CHD1L: variants seen among roughly 807,000 people sequenced by gnomAD.
CHD1L encodes the protein chromodomain helicase DNA binding protein 1 like.
A neutral mutation model predicts 115.9 loss-of-function variants in CHD1L; 118 were observed. That is an observed-to-expected ratio of 1.02 (90% CI 0.88 to 1.19). The LOEUF is 1.19. Among genes scored for constraint, CHD1L ranks in the 50% most tolerant of loss-of-function variants. CHD1L has a pLI of 0.00. For missense variants in CHD1L, 1,179 were observed against 1,065.3 expected (o/e 1.11, Z -1.49); for synonymous variants, 411 against 387.1 (o/e 1.06, Z -0.72).
chr1:147,259,177 T>C (rs1036655764), intron 5 of CHD1L: 1 of 152,270 alleles, frequency 6.6e-6, no homozygotes, highest in African/African-American at 2.4e-5. Flanking sequence ...GTATTTGCTT[T>C]TATGACTGAA....
the CHD1L span, chr1:147,213,345 A>T: frequency 6.2e-7 from 1 of 1,612,782 alleles, no homozygotes; most frequent in Non-Finnish European, 8.5e-7. Context: ...CATTGGTGTG[A>T]TGGCCAGTGC....
the CHD1L span, among the ~76,000 whole-genome samples, chr1:147,191,603 G>T: frequency 6.6e-6 from 1 of 151,726 alleles, no homozygotes; most frequent in Non-Finnish European, 1.5e-5. Flanking sequence ...CAGATGAGTA[G>T]GTTGTGAAAA....
rs1684144686 is a variant in CHD1L, at chr1:147,288,335, A to AAAAAAAG, written c.2320+608_2320+609insGAAAAAA. On this transcript the variant is annotated intron_variant, in intron 19 of 22. Transcript: ENST00000369258. Reference sequence around the variant, plus strand: ...GAGACCCTGTTTCAATAAAAAAAAAAAAAAAAAAAAAGAAAAAGAGAACTA... The same window carrying AAAAAAAG: ...GAGACCCTGTTTCAATAAAAAAAAAAAAAAAAGAAAAAAAAAAAGAAAAAGAGAACTA... 4.6e-3 allele frequency among the ~76,000 whole-genome samples: 6 copies of AAAAAAAG among 1,304 alleles called. 1 individual carries two copies. Among genetic ancestry groups the AAAAAAAG allele is most frequent in the South Asian group, 0.045 (1 of 22 alleles). The allele number at this position is 1,304 out of a possible 152,430, so 0.9% of individuals were successfully genotyped here.
chr1:147,264,287 G>A (rs1304065515), intron 6 of CHD1L, 135 bp from the exon 7 acceptor site: 2 of 752,288 alleles, frequency 2.7e-6, no homozygotes, highest in African/African-American at 1.8e-5. Context: ...TTCAACCTGA[G>A]CCATCTGATT....
intron 2 of CHD1L, among the ~76,000 whole-genome samples, chr1:147,253,320 G>A (rs974625802): frequency 2.0e-5 from 3 of 152,150 alleles, no homozygotes; most frequent in African/African-American, 7.2e-5. Context: ...TGCATCCTCA[G>A]GGAAAGCTAG....
chr1:147,179,569 A>C, the CHD1L span: 1 of 1,587,762 alleles, frequency 6.3e-7, no homozygotes, highest in Non-Finnish European at 8.6e-7. Context: ...GAAGCTACAA[A>C]CCCCCCTGTA....
chr1:147,224,887 G>A, the CHD1L span: 11 of 1,613,314 alleles, frequency 6.8e-6, no homozygotes, highest in Non-Finnish European at 9.3e-6. Context: ...ACTAGGAGAT[G>A]TATGTACCTG....
At chr1:147,255,780 T>G in intron 3 of CHD1L, 33 bp from the exon 4 acceptor site, 1 of 1,472,344 alleles carries the variant, frequency 6.8e-7, no homozygotes, top group Non-Finnish European at 9.4e-7. Flanking sequence ...GGATCTAGTA[T>G]TTATGTTTAT....
At chr1:147,217,098 G>A in the CHD1L span, among the ~76,000 whole-genome samples, 3 of 151,960 alleles carry the variant, frequency 2.0e-5, no homozygotes, top group Non-Finnish European at 2.9e-5. Flanking sequence ...AAATTAGCCG[G>A]GCGTGGTGGC....
chr1:147,214,468 A>AC, the CHD1L span, among the ~76,000 whole-genome samples: 107 of 150,190 alleles, frequency 7.1e-4, no homozygotes, highest in African/African-American at 1.0e-3. Context: ...ACAAAAAACA[A>AC]AAAAAAAAAG....
At chr1:147,277,286 A>C (rs1347725749) in intron 14 of CHD1L, among the ~76,000 whole-genome samples, 15 of 152,232 alleles carry the variant, frequency 9.9e-5, no homozygotes, top group African/African-American at 3.6e-4. Context: ...GGAAAGGACT[A>C]GTCCATCAAA....
intron 1 of CHD1L, among the ~76,000 whole-genome samples, chr1:147,251,829 T>G (rs1166991529): frequency 1.3e-5 from 2 of 152,230 alleles, no homozygotes; most frequent in African/African-American, 4.8e-5. Flanking sequence ...CTGTAATTTA[T>G]GTAAAGTGTT....
At chr1:147,183,682 A>G in the CHD1L span, among the ~76,000 whole-genome samples, 2 of 152,200 alleles carry the variant, frequency 1.3e-5, no homozygotes, top group African/African-American at 4.8e-5. Context: ...AATCTGGACG[A>G]TGGTATAGGT....
chr1:147,266,571 G>C (rs1299919227), intron 8 of CHD1L, among the ~76,000 whole-genome samples: 1 of 152,210 alleles, frequency 6.6e-6, no homozygotes, highest in African/African-American at 2.4e-5. Context: ...CTTTTGTTCT[G>C]CGTATCCACG....
At chr1:147,257,718 C>T (rs1553941302) in intron 5 of CHD1L, among the ~76,000 whole-genome samples, 1 of 152,114 alleles carries the variant, frequency 6.6e-6, no homozygotes, top group African/African-American at 2.4e-5. Flanking sequence ...CACGAGGCAG[C>T]TATTATTCAT....
At chr1:147,231,564 T>C in the CHD1L span, among the ~76,000 whole-genome samples, 1 of 152,166 alleles carries the variant, frequency 6.6e-6, no homozygotes, top group Non-Finnish European at 1.5e-5. Flanking sequence ...TATATCCTTG[T>C]TAATTTTGTG....
At chr1:147,232,701 G>C in the CHD1L span, among the ~76,000 whole-genome samples, 6 of 152,280 alleles carry the variant, frequency 3.9e-5, no homozygotes, top group South Asian at 1.0e-3. Context: ...GGGTTTCGCT[G>C]TGTTGGCCGG....
At position 147,293,809 on chromosome 1, in the gene CHD1L, G is replaced by T. The variant is rs943386668; in HGVS notation, c.2506+87G>T. The T allele has an allele frequency of 9.0e-6, 10 of 1,108,368 alleles. No homozygotes were observed. The African/African-American group carries it at 9.2e-5, about 10-fold the overall frequency. The allele number at this position is 1,108,368 out of a possible 1,614,324, so 68.7% of individuals were successfully genotyped here. A position where few individuals can be genotyped will look rare whatever the true frequency, so the allele number is the denominator to read the frequency against. ...TTTGAAGGGAGGTAAGAAATGTCAA[G>T]ATCCCACTTAATATGCACGGTAAAG... On this transcript the variant is annotated intron_variant, in intron 21 of 22. Coordinates refer to ENST00000369258, the MANE Select transcript of CHD1L (RefSeq NM_004284.6).
the CHD1L span, among the ~76,000 whole-genome samples, chr1:147,197,572 C>T: frequency 6.0e-3 from 909 of 152,170 alleles, 4 homozygotes; most frequent in Middle Eastern, 0.01. Flanking sequence ...AGTGAGTTCT[C>T]ACGAGATCTG....
Sources: gnomAD v4.1 joint callset for allele counts (sites outside exome capture counted in the v4.1 genomes callset) on GRCh38, gnomAD v4.1.1 for gene constraint, MANE v1.5 for transcripts, NCBI Gene and HGNC (gene_info 2026-07-23, HGNC 2026-07-21) for gene names.